ARHGEF28: variants seen among roughly 807,000 people sequenced by gnomAD.
The protein encoded by ARHGEF28 is 190 kDa guanine nucleotide exchange factor.
A neutral mutation model predicts 206.6 loss-of-function variants in ARHGEF28; 152 were observed. That is an observed-to-expected ratio of 0.74 (90% CI 0.64 to 0.84). ARHGEF28 has a LOEUF of 0.84. Among genes scored for constraint, ARHGEF28 ranks in the 40% least tolerant of loss-of-function variants. The pLI is 0.00. For missense variants in ARHGEF28, 2,028 were observed against 2,073.2 expected, an observed-to-expected ratio of 0.98 and a Z score of 0.42; for synonymous variants, 763 against 776.4, an observed-to-expected ratio of 0.98 and a Z score of 0.29.
intron 1 of ARHGEF28, among the ~76,000 whole-genome samples, chr5:73,675,276 G>A (rs982375967): frequency 2.4e-4 from 37 of 152,302 alleles, no homozygotes; most frequent in African/African-American, 8.9e-4. Context: ...GCTGAAGCAT[G>A]TTGTGAGATT....
At chr5:73,905,664 A>G (rs2112717226) in intron 33 of ARHGEF28, among the ~76,000 whole-genome samples, 1 of 152,332 alleles carries the variant, frequency 6.6e-6, no homozygotes, top group Admixed American at 6.5e-5. Flanking sequence ...TTTAATGATT[A>G]TATATTAAAT....
At chr5:73,807,284 A>C (rs1345154471) in intron 9 of ARHGEF28, among the ~76,000 whole-genome samples, 1 of 152,102 alleles carries the variant, frequency 6.6e-6, no homozygotes, top group African/African-American at 2.4e-5. Flanking sequence ...AAAATTCCAT[A>C]TGATTTATTA....
intron 9 of ARHGEF28, among the ~76,000 whole-genome samples, chr5:73,802,818 C>CAA (rs111274274): frequency 7.7e-6 from 1 of 130,014 alleles, no homozygotes; most frequent in Non-Finnish European, 1.6e-5. Context: ...TAGGCATTTA[C>CAA]AAAAAAAAAA....
intron 22 of ARHGEF28, among the ~76,000 whole-genome samples, chr5:73,877,257 C>A (rs1453888145): frequency 6.6e-6 from 1 of 151,570 alleles, no homozygotes; most frequent in Non-Finnish European, 1.5e-5. Flanking sequence ...TCTGTGGGAT[C>A]GGTGGTGATA....
At chr5:73,627,450 T>G (rs1743078485) in intron 1 of ARHGEF28, among the ~76,000 whole-genome samples, 1 of 152,238 alleles carries the variant, frequency 6.6e-6, no homozygotes, top group African/African-American at 2.4e-5. Flanking sequence ...GACCTACCCT[T>G]GTTAGGTTCT....
rs1742593618 is a variant in ARHGEF28, at chr5:73,941,158, G to C, written c.*145G>C. The C allele has an allele frequency of 1.3e-6, 1 of 773,510 alleles. No individual in the cohort carries two copies. 47.9% of individuals were successfully genotyped at this position (773,510 alleles called of 1,614,324 possible). A position where few individuals can be genotyped will look rare whatever the true frequency, so the allele number is the denominator to read the frequency against. ...ATATTTCCTGGAAGCTCATTTTTTT[G>C]GCATGAGTCTAATTAAATTATTGAA... On this transcript the variant is annotated 3_prime_UTR_variant, in exon 36 of 36. Coordinates refer to ENST00000513042, the MANE Select transcript of ARHGEF28 (RefSeq NM_001177693.2).
In ARHGEF28 at chr5:73,736,630, A is replaced by G. The variant is rs566759084; in HGVS notation, c.34-13207A>G. Among the ~76,000 whole-genome samples, 6 of 152,266 alleles carry G rather than the reference A, an allele frequency of 3.9e-5. No homozygotes were observed. The South Asian group carries it at 1.0e-3, about 26-fold the overall frequency. The stretch of plus-strand genomic sequence containing the variant: ...CACAATTAATAAACTGATAAATACT[A>G]CTGTTTTTGCATTAAGGCTTTCTGT... On this transcript the variant is annotated intron_variant, in intron 2 of 35. Coordinates refer to ENST00000513042, the MANE Select transcript of ARHGEF28 (RefSeq NM_001177693.2).
chr5:73,816,763 C>T lies in ARHGEF28; in HGVS notation c.1025-15575C>T, dbSNP rs191677926. 1.4e-4 allele frequency among the ~76,000 whole-genome samples: 21 copies of T among 152,286 alleles called. No homozygotes were observed. The East Asian group carries it at 3.9e-3, about 28-fold the overall frequency. On this transcript the variant is annotated intron_variant, in intron 9 of 35. Transcript: ENST00000513042. ...CTTTGGAAATGACCCATGTCCAGAG[C>T]GGAGCATGATGAAAGCAGTTAAAAC...
chr5:73,821,858 T>C (rs911293451), intron 9 of ARHGEF28, among the ~76,000 whole-genome samples: 21 of 152,006 alleles, frequency 1.4e-4, no homozygotes, highest in African/African-American at 5.1e-4. Flanking sequence ...AGAAAAAAAG[T>C]TATTTATACA....
chr5:73,896,001 C>G (rs1235858687), intron 29 of ARHGEF28, among the ~76,000 whole-genome samples: 1 of 152,118 alleles, frequency 6.6e-6, no homozygotes, highest in Non-Finnish European at 1.5e-5. Flanking sequence ...TATCAGATAT[C>G]CATTGAGCAT....
intron 35 of ARHGEF28, among the ~76,000 whole-genome samples, chr5:73,938,811 G>C (rs1561211742): frequency 6.6e-6 from 1 of 152,052 alleles, no homozygotes; most frequent in Non-Finnish European, 1.5e-5. Context: ...AGGTTGATTT[G>C]TAATGTTGCC....
chr5:73,686,021 A>G (rs934906749), intron 2 of ARHGEF28, among the ~76,000 whole-genome samples: 2 of 151,800 alleles, frequency 1.3e-5, no homozygotes, highest in African/African-American at 4.8e-5. Flanking sequence ...ACTCACCCTC[A>G]CTCCCTTCTA....
chr5:73,665,178 G>T (rs1432800330), intron 1 of ARHGEF28, among the ~76,000 whole-genome samples: 1 of 152,052 alleles, frequency 6.6e-6, no homozygotes, highest in Non-Finnish European at 1.5e-5. Flanking sequence ...TCTGCCAGAA[G>T]ATCTTAAAAA....
rs115087784 is a variant in ARHGEF28, at chr5:73,696,721, A to G, written c.33+11837A>G. ...TTCTAGTGGACAATTGTTTTTGTCCACTGATTTTCCAACACTAGTTTAGTG... is the reference window on the plus strand; with the variant it reads ...TTCTAGTGGACAATTGTTTTTGTCCGCTGATTTTCCAACACTAGTTTAGTG... On this transcript the variant is annotated intron_variant, in intron 2 of 35. Transcript: ENST00000513042. 6.4e-3 allele frequency among the ~76,000 whole-genome samples: 979 copies of G among 152,310 alleles called. 4 individuals carry two copies. Among genetic ancestry groups the G allele is most frequent in the Non-Finnish European group, 7.7e-3 (522 of 68,028 alleles).
chr5:73,739,095 C>A (rs1339998941), intron 2 of ARHGEF28, among the ~76,000 whole-genome samples: 2 of 151,916 alleles, frequency 1.3e-5, no homozygotes, highest in Non-Finnish European at 2.9e-5. Context: ...CTTAGAGGGG[C>A]CTTAGAGACT....
chr5:73,794,436 T>C lies in ARHGEF28; in HGVS notation c.945T>C (p.Ala315=), dbSNP rs7716253. Residue 315 remains alanine (A), a synonymous_variant, in exon 8 of 36, where the codon GCT becomes GCC. Transcript: ENST00000513042. ...ATTCAGTGTCCAGCAGATCAGCAGC[T>C]GAAAAGGAAGATATAAAGGTAATGA... The part of the protein sequence containing the change: ...IKNSVSSRSA[A]EKEDIKRVKS... 861,070 of 1,599,254 alleles carry C rather than the reference T, an allele frequency of 0.54. 235,200 individuals carry two copies. Among genetic ancestry groups the C allele is most frequent in the African/African-American group, 0.79 (59,109 of 74,586 alleles).
intron 1 of ARHGEF28, among the ~76,000 whole-genome samples, chr5:73,629,266 A>G (rs4235677): frequency 0.55 from 83,784 of 151,806 alleles, 23,956 homozygotes; most frequent in East Asian, 0.79. Flanking sequence ...GAGAGGCTGA[A>G]GTGGGAGGAT....
At chr5:73,801,172 C>T (rs577805018) in intron 9 of ARHGEF28, among the ~76,000 whole-genome samples, 77 of 152,290 alleles carry the variant, frequency 5.1e-4, no homozygotes, top group African/African-American at 1.7e-3. Context: ...CTTGGCCGGG[C>T]GCGGGGGCTC....
In ARHGEF28 at chr5:73,867,890, G is replaced by C. The variant is rs1164751287; in HGVS notation, c.2167G>C (p.Asp723His). The change falls in exon 19 of 36, where the codon GAC becomes CAC. Residue 723 changes from aspartate to histidine, a missense_variant. Asp to His is a moderately conservative substitution (Grantham distance 81, BLOSUM62 -1). Around this residue, in one of 3 missense-constraint regions of ARHGEF28, gnomAD observed 1,002 missense variants for 1,015.3 expected, o/e 0.99. Coordinates refer to ENST00000513042, the MANE Select transcript of ARHGEF28 (RefSeq NM_001177693.2). ...QTILGNSSFR[D>H]IPQPGLSLHP... is the part of the protein sequence containing the mutation. ...CTGATTTCCAGATTCTTCATTTAGA[G>C]ACATCCCACAGCCTGGTCTCTCCTT... 1.2e-6 allele frequency: 2 copies of C among 1,613,850 alleles called. No homozygotes were observed. The highest frequency in any genetic ancestry group is 1.7e-6 in the Non-Finnish European group (2 of 1,179,874).
Sources: allele counts gnomAD v4.1 joint callset (sites outside exome capture counted in the v4.1 genomes callset), GRCh38; gene constraint gnomAD v4.1.1; regional missense constraint gnomAD v4.1.1; transcripts MANE v1.5; gene names NCBI Gene and HGNC (gene_info 2026-07-23, HGNC 2026-07-21).